GSE1: variants seen among roughly 807,000 people sequenced by gnomAD.
GSE1 encodes Gse1 coiled-coil protein, also known as genetic suppressor element 1.
A neutral mutation model predicts 112.6 loss-of-function variants in GSE1; 32 were observed. The observed-to-expected ratio is 0.28, with a 90% confidence interval of 0.21 to 0.38. The LOEUF is 0.38. Among genes scored for constraint, GSE1 ranks in the 10% least tolerant of loss-of-function variants. The pLI is 1.00. For missense variants in GSE1, 2,348 were observed against 1,699.2 expected, an observed-to-expected ratio of 1.38 and a Z score of -6.71; for synonymous variants, 1,115 against 735.6, an observed-to-expected ratio of 1.52 and a Z score of -8.35.
At chr16:85,347,788 A>ATC (rs3030346) in intron 1 of GSE1, among the ~76,000 whole-genome samples, 76,697 of 151,818 alleles carry the variant, frequency 0.51, 20,287 homozygotes, top group Non-Finnish European at 0.61. Flanking sequence ...TGCAAAAGCC[A>ATC]TCTTTGCCAC....
intron 1 of GSE1, among the ~76,000 whole-genome samples, chr16:85,330,957 A>G (rs143073925): frequency 1.8e-4 from 28 of 152,098 alleles, no homozygotes; most frequent in Non-Finnish European, 2.6e-4. Context: ...TCACATTTCA[A>G]AGCCTGGCTT....
chr16:85,637,683 C>G (rs1021322600), intron 2 of GSE1, among the ~76,000 whole-genome samples: 2 of 151,940 alleles, frequency 1.3e-5, no homozygotes, highest in African/African-American at 4.8e-5. Flanking sequence ...ATGGGGAATT[C>G]CAATCCCCAG....
At chr16:85,379,138 C>T (rs1374698699) in intron 2 of GSE1, among the ~76,000 whole-genome samples, 4 of 152,166 alleles carry the variant, frequency 2.6e-5, no homozygotes, top group South Asian at 2.1e-4. Flanking sequence ...CCTGGACTTC[C>T]GGGGCCCGGC....
intron 1 of GSE1, among the ~76,000 whole-genome samples, chr16:85,601,282 G>T (rs2047453892): frequency 6.6e-6 from 1 of 152,030 alleles, no homozygotes; most frequent in South Asian, 2.1e-4. Context: ...GTGAGGGGTG[G>T]GAGGGGAGCA....
At position 85,567,489 on chromosome 16, in the gene GSE1, G is replaced by A. The variant is rs959213826; in HGVS notation, c.37+11126G>A. 4.6e-5 allele frequency among the ~76,000 whole-genome samples: 7 copies of A among 152,118 alleles called. No individual in the cohort carries two copies. In the South Asian group the frequency reaches 6.2e-4, roughly 13 times the overall value. On this transcript the variant is annotated intron_variant, in intron 1 of 2. Transcript: ENST00000635906. ...GTTGGTGCTGGCTGTTCGCCAGACC[G>A]CAGCCGGGGCTCTCAACGCTGGGAC...
intron 11 of GSE1, chr16:85,664,814 G>A (rs763072006): frequency 4.0e-5 from 23 of 577,638 alleles, no homozygotes; most frequent in Non-Finnish European, 6.2e-5. Context: ...CTAGGACATT[G>A]TGTAGTGGAT....
Position 85,646,020 on chromosome 16 carries a change from C to T in GSE1, c.227-2532C>T, listed in dbSNP as rs578172451. 2.4e-4 allele frequency among the ~76,000 whole-genome samples: 36 copies of T among 148,406 alleles called. No homozygotes were observed. In the South Asian group the frequency reaches 3.2e-3, roughly 13 times the overall value. On this transcript the variant is annotated intron_variant, in intron 2 of 15. Transcript: ENST00000253458. The stretch of plus-strand genomic sequence containing the variant: ...GCATGCATTCTACCTGCTTCTCCCA[C>T]GCTTTCTATGCATGCATTCTACCTG...
intron 1 of GSE1, among the ~76,000 whole-genome samples, chr16:85,177,418 C>G (rs1053731046): frequency 6.6e-6 from 1 of 152,232 alleles, no homozygotes; most frequent in Non-Finnish European, 1.5e-5. Flanking sequence ...CATGTCTGTC[C>G]TCGGAGAAGA....
At chr16:85,604,304 A>G (rs1007704420) in intron 1 of GSE1, among the ~76,000 whole-genome samples, 5 of 152,176 alleles carry the variant, frequency 3.3e-5, no homozygotes, top group African/African-American at 9.7e-5. Context: ...CGTGTCTTCA[A>G]GGTTCATCTG....
intron 1 of GSE1, among the ~76,000 whole-genome samples, chr16:85,280,243 G>C (rs1252066730): frequency 6.6e-6 from 1 of 152,120 alleles, no homozygotes; most frequent in Non-Finnish European, 1.5e-5. Flanking sequence ...CCCGGCCCCT[G>C]CTTTCCATTG....
At chr16:85,531,974 G>C (rs565930272) in intron 2 of GSE1, among the ~76,000 whole-genome samples, 1 of 152,198 alleles carries the variant, frequency 6.6e-6, no homozygotes, top group Non-Finnish European at 1.5e-5. Flanking sequence ...CGCGAGTAGG[G>C]GGGCAGGCAG....
At chr16:85,374,576 G>A (rs1434534955) in intron 2 of GSE1, among the ~76,000 whole-genome samples, 1 of 152,024 alleles carries the variant, frequency 6.6e-6, no homozygotes, top group Non-Finnish European at 1.5e-5. Context: ...CTCCTAGCGT[G>A]TTGTGTGGTG....
At chr16:85,398,229 G>A (rs1248172443) in intron 2 of GSE1, among the ~76,000 whole-genome samples, 1 of 152,202 alleles carries the variant, frequency 6.6e-6, no homozygotes, top group African/African-American at 2.4e-5. Flanking sequence ...GATGAAGTGA[G>A]CAGGTGAAGA....
At chr16:85,188,978 T>TG (rs2143417997) in intron 1 of GSE1, among the ~76,000 whole-genome samples, 1 of 152,288 alleles carries the variant, frequency 6.6e-6, no homozygotes, top group African/African-American at 2.4e-5. Context: ...AGACTTGCTG[T>TG]GGGGGACATG....
chr16:85,314,351 T>G (rs543512603), intron 1 of GSE1, among the ~76,000 whole-genome samples: 1 of 152,258 alleles, frequency 6.6e-6, no homozygotes, highest in Non-Finnish European at 1.5e-5. Context: ...GCTGGGTGCC[T>G]GTTTTCAGCT....
At chr16:85,666,892 C>T (rs1047548195) in intron 13 of GSE1, among the ~76,000 whole-genome samples, 8 of 152,182 alleles carry the variant, frequency 5.3e-5, no homozygotes, top group African/African-American at 1.9e-4. Context: ...GGGTGGAATT[C>T]CACCAAGTTC....
rs779197358 is a variant in GSE1 at position 85,654,306 on chromosome 16, G to A, written c.455G>A (p.Gly152Asp). The A allele has an allele frequency of 1.9e-6, 3 of 1,607,010 alleles. No individual in the cohort carries two copies. The highest frequency in any genetic ancestry group is 1.1e-5 in the South Asian group (1 of 90,266). ...GCCGGCTCCAGGAGCAGCAGTGGAG[G>A]TCGGGAACGCCTCATTGTGGAGCCC... ...QDAGSRSSSGGRERLIVEPPL... is the reference protein window; with the variant it reads ...QDAGSRSSSGDRERLIVEPPL... The change falls in exon 4 of 16, where the codon GGT becomes GAT. Residue 152 changes from glycine to aspartate, a missense_variant. Physicochemically the swap from Gly to Asp is moderately conservative, Grantham distance 94 (BLOSUM62 -1). Transcript: ENST00000253458.
At chr16:85,626,917 A>G (rs985614332) in intron 1 of GSE1, among the ~76,000 whole-genome samples, 1 of 151,990 alleles carries the variant, frequency 6.6e-6, no homozygotes, top group African/African-American at 2.4e-5. Context: ...GCGTTTGGAC[A>G]GCAGGCAGAC....
intron 1 of GSE1, among the ~76,000 whole-genome samples, chr16:85,243,898 G>C (rs1400383998): frequency 1.3e-5 from 2 of 152,136 alleles, no homozygotes; most frequent in Non-Finnish European, 2.9e-5. Flanking sequence ...AGGCCGAGGT[G>C]GGCGGATCAC....
Sources: allele counts gnomAD v4.1 joint callset (sites outside exome capture counted in the v4.1 genomes callset), GRCh38; gene constraint gnomAD v4.1.1; transcripts MANE v1.5; gene names NCBI Gene and HGNC (gene_info 2026-07-23, HGNC 2026-07-21).